The following SPPL3 variants were observed in gnomAD, a reference collection of about 807,000 sequenced individuals.
SPPL3 encodes the protein signal peptide peptidase like 3, also known as signal peptide peptidase-like 3.
A neutral mutation model predicts 42.4 loss-of-function variants in SPPL3; 5 were observed. The observed-to-expected ratio is 0.12, with a 90% CI of 0.06 to 0.25. SPPL3 has a LOEUF of 0.25. SPPL3 is among the 10% of genes least tolerant of loss of function. SPPL3 has a pLI of 1.00. For synonymous variants in SPPL3, 195 were observed against 181.8 expected, an observed-to-expected ratio of 1.07 and a Z score of -0.58; for missense variants, 235 against 489.0, an observed-to-expected ratio of 0.48 and a Z score of 4.90.
chr12:120,894,774 C>G (rs1168949), intron 1 of SPPL3, among the ~76,000 whole-genome samples: 4,697 of 152,072 alleles, frequency 0.031, 94 homozygotes, highest in Non-Finnish European at 0.05. Flanking sequence ...GGAGAAACCC[C>G]GTCTCTACTA....
intron 2 of SPPL3, among the ~76,000 whole-genome samples, chr12:120,803,018 A>T (rs1162146404): frequency 6.6e-6 from 1 of 152,228 alleles, no homozygotes; most frequent in African/African-American, 2.4e-5. Flanking sequence ...GAATGAACTT[A>T]ACATTATATC....
chr12:120,873,544 G>A (rs1419220896), intron 1 of SPPL3, among the ~76,000 whole-genome samples: 1 of 152,116 alleles, frequency 6.6e-6, no homozygotes, highest in Non-Finnish European at 1.5e-5. Context: ...AACTTCAAGT[G>A]TCCAGAAGGA....
chr12:120,808,186 G>A (rs761283741), intron 2 of SPPL3, among the ~76,000 whole-genome samples: 2 of 149,492 alleles, frequency 1.3e-5, no homozygotes, highest in South Asian at 2.1e-4. Flanking sequence ...TGCAACCTCC[G>A]CCTCCTGGGC....
intron 2 of SPPL3, among the ~76,000 whole-genome samples, chr12:120,806,377 C>T (rs973696221): frequency 2.6e-5 from 4 of 151,668 alleles, no homozygotes; most frequent in East Asian, 1.9e-4. Context: ...TTTTTGACAA[C>T]GGTGCCAAGG....
intron 1 of SPPL3, among the ~76,000 whole-genome samples, chr12:120,888,274 C>T (rs1403266603): frequency 6.6e-6 from 1 of 152,130 alleles, no homozygotes; most frequent in Admixed American, 6.5e-5. Context: ...CAGGGTTTCA[C>T]CACGTTGGCC....
intron 1 of SPPL3, among the ~76,000 whole-genome samples, chr12:120,812,846 T>C (rs1273447957): frequency 1.3e-5 from 2 of 152,196 alleles, no homozygotes; most frequent in African/African-American, 4.8e-5. Context: ...CCTCAAACAG[T>C]TGTTAAAGGA....
intron 1 of SPPL3, among the ~76,000 whole-genome samples, chr12:120,867,025 G>GGTAACCTCC (rs1200106328): frequency 6.6e-6 from 1 of 152,138 alleles, no homozygotes; most frequent in Non-Finnish European, 1.5e-5. Context: ...GTCAGTCATA[G>GGTAACCTCC]GTAACCTCCA....
chr12:120,878,879 T>C (rs1479871832), intron 1 of SPPL3, among the ~76,000 whole-genome samples: 1 of 151,994 alleles, frequency 6.6e-6, no homozygotes. Context: ...TTTGGGAGGC[T>C]GAGGCGGGTG....
intron 2 of SPPL3, among the ~76,000 whole-genome samples, chr12:120,801,166 G>C (rs1870281037): frequency 6.6e-6 from 1 of 152,206 alleles, no homozygotes; most frequent in Non-Finnish European, 1.5e-5. Context: ...TCCAGACACA[G>C]GAAAGATTAA....
At chr12:120,835,066 AT>A (rs2137021067) in intron 1 of SPPL3, among the ~76,000 whole-genome samples, 1 of 152,258 alleles carries the variant, frequency 6.6e-6, no homozygotes, top group African/African-American at 2.4e-5. Flanking sequence ...TTGGTATTAT[AT>A]TACCTCTCTG....
intron 1 of SPPL3, among the ~76,000 whole-genome samples, chr12:120,867,698 A>T (rs1054711867): frequency 1.4e-4 from 21 of 151,190 alleles, no homozygotes; most frequent in Non-Finnish European, 2.4e-4. Context: ...GCTGAGAAGA[A>T]GTTTATCTTA....
At chr12:120,786,225 A>T (rs1329303918) in intron 3 of SPPL3, among the ~76,000 whole-genome samples, 1 of 152,198 alleles carries the variant, frequency 6.6e-6, no homozygotes, top group Non-Finnish European at 1.5e-5. Context: ...GTCTGTCCTG[A>T]CCCTAGTCAA....
chr12:120,864,280 A>G (rs926654147), intron 1 of SPPL3, among the ~76,000 whole-genome samples: 3 of 152,324 alleles, frequency 2.0e-5, no homozygotes, highest in Non-Finnish European at 2.9e-5. Flanking sequence ...CATGCCTGTG[A>G]TCCCAGCACT....
At chr12:120,784,923 T>C (rs910280710) in intron 3 of SPPL3, among the ~76,000 whole-genome samples, 2 of 151,428 alleles carry the variant, frequency 1.3e-5, no homozygotes, top group Non-Finnish European at 2.9e-5. Context: ...TTGGGTAAAT[T>C]TGTGGTCTTG....
Position 120,763,457 on chromosome 12 carries a change from G to GA in SPPL3, c.*1541dup, listed in dbSNP as rs1868746341. On this transcript the variant is annotated 3_prime_UTR_variant, in exon 11 of 11. Transcript: ENST00000353487. ...AGCCACTGGGGCGGGGACCCTTGGGGAGAGGCTGGAACTCAGGGCCCTTCT... is the reference window on the plus strand; with the variant it reads ...AGCCACTGGGGCGGGGACCCTTGGGGAAGAGGCTGGAACTCAGGGCCCTTCT... The GA allele has an allele frequency of 6.5e-6, 1 of 152,822 alleles. No homozygotes were observed. The highest frequency in any genetic ancestry group is 2.1e-4 in the South Asian group (1 of 4,834). 9.5% of individuals were successfully genotyped at this position (152,822 alleles called of 1,614,324 possible).
At chr12:120,822,655 TGAA>T (rs995945892) in intron 1 of SPPL3, among the ~76,000 whole-genome samples, 3 of 152,036 alleles carry the variant, frequency 2.0e-5, no homozygotes, top group African/African-American at 7.3e-5. Flanking sequence ...ATGAAAAAAT[TGAA>T]GAAGGAAAGT....
At chr12:120,896,778 C>CA (rs1169482684) in intron 1 of SPPL3, among the ~76,000 whole-genome samples, 258 of 129,886 alleles carry the variant, frequency 2.0e-3, no homozygotes, top group Middle Eastern at 4.3e-3. Flanking sequence ...GACTCCGTTT[C>CA]AAAAAAAAAA....
At chr12:120,858,406 A>G (rs1478583152) in intron 1 of SPPL3, among the ~76,000 whole-genome samples, 1 of 151,962 alleles carries the variant, frequency 6.6e-6, no homozygotes, top group Non-Finnish European at 1.5e-5. Flanking sequence ...CAGTGAGCCA[A>G]GATCGCAACA....
At chr12:120,785,914 CAAAAA>C (rs11307959) in intron 3 of SPPL3, among the ~76,000 whole-genome samples, 1 of 85,836 alleles carries the variant, frequency 1.2e-5, no homozygotes, top group Admixed American at 1.3e-4. Flanking sequence ...GAGTCCAAGG[CAAAAA>C]AAAAAAAAAA....
Sources: gnomAD v4.1 joint callset for allele counts (sites outside exome capture counted in the v4.1 genomes callset) on GRCh38, gnomAD v4.1.1 for gene constraint, MANE v1.5 for transcripts, NCBI Gene and HGNC (gene_info 2026-07-23, HGNC 2026-07-21) for gene names.